The following RELN variants were observed in gnomAD, a reference collection of about 807,000 sequenced individuals.
The protein encoded by RELN is reelin.
Under a neutral mutation model 427.6 loss-of-function variants are expected in RELN, and 108 were observed. The ratio of observed to expected loss-of-function variants is 0.25; its 90% CI spans 0.22 to 0.30. RELN has a LOEUF of 0.30. RELN is among the 10% of genes least tolerant of loss of function. The pLI, the probability that RELN is intolerant of heterozygous loss-of-function variation, is 1.00. For synonymous variants in RELN, 1,524 were observed against 1,513.4 expected (o/e 1.01, Z -0.16); for missense variants, 3,715 against 4,302.8 (o/e 0.86, Z 3.82).
chr7:103,967,014 C>A (rs918679418), intron 1 of RELN, among the ~76,000 whole-genome samples: 3 of 152,310 alleles, frequency 2.0e-5, no homozygotes, highest in African/African-American at 7.2e-5. Flanking sequence ...TTCCCTGTGA[C>A]CTTTTGCAGC....
intron 10 of RELN, among the ~76,000 whole-genome samples, chr7:103,693,563 T>C (rs894484356): frequency 1.4e-5 from 2 of 147,826 alleles, no homozygotes; most frequent in Non-Finnish European, 3.0e-5. Flanking sequence ...AAATAAAAAA[T>C]AAAGGATGAA....
At chr7:103,521,310 A>G (rs368381150) in intron 48 of RELN, among the ~76,000 whole-genome samples, 12 of 152,344 alleles carry the variant, frequency 7.9e-5, no homozygotes, top group African/African-American at 2.9e-4. Flanking sequence ...TAATTTGTCT[A>G]TCTAATCATG....
rs781392761 is a variant in RELN, at chr7:103,515,365, C to T, written c.7939G>A (p.Gly2647Ser). 1.5e-5 allele frequency: 25 copies of T among 1,613,982 alleles called. No individual in the cohort carries two copies. Among genetic ancestry groups the T allele is most frequent in the Middle Eastern group, 1.6e-4 (1 of 6,084 alleles). The change falls in exon 50 of 65, where the codon GGC becomes AGC. Residue 2647 changes from glycine (G) to serine (S), a missense_variant. This residue lies in a region of RELN where 1,310 missense variants were observed against 1,643.0 expected (regional missense o/e 0.80). Coordinates refer to ENST00000428762, the MANE Select transcript of RELN (RefSeq NM_005045.4). ...RFRWWQPRHDGLDQNDWAIDN... is the reference protein window; with the variant it reads ...RFRWWQPRHDSLDQNDWAIDN... ...ATGGCCCAGTCGTTCTGATCCAGGC[C>T]GTCATGTCTTGGCTGCCACCAGCGG...
At chr7:103,676,117 G>T (rs1204406816) in intron 11 of RELN, among the ~76,000 whole-genome samples, 1 of 152,056 alleles carries the variant, frequency 6.6e-6, no homozygotes, top group Non-Finnish European at 1.5e-5. Context: ...TAGAATGGGA[G>T]AAAATTTTTA....
chr7:103,905,002 A>T (rs80064325), intron 2 of RELN, among the ~76,000 whole-genome samples: 10,158 of 67,950 alleles, frequency 0.15, 379 homozygotes, highest in South Asian at 0.22. Context: ...TTTTTTTTTG[A>T]GATAATCTCG....
In RELN at chr7:103,989,051, T is replaced by G. The variant is rs1584425378; in HGVS notation, c.226+80A>C. ...CATGGTTCTTGTTTCCAAGGCCCCT[T>G]GGAAGAAGGAAAGGGATGAGAAAGG... On this transcript the variant is annotated intron_variant, in intron 1 of 64. Coordinates refer to ENST00000428762, the MANE Select transcript of RELN (RefSeq NM_005045.4). The surrounding 1 kb of genome is among the most constrained non-coding windows in gnomAD (Gnocchi z 4.9). The G allele has an allele frequency of 3.1e-6, 4 of 1,293,776 alleles. No homozygotes were observed. The highest frequency in any genetic ancestry group is 3.4e-6 in the Non-Finnish European group (3 of 891,550). The allele number at this position is 1,293,776 out of a possible 1,614,324, so 80.1% of individuals were successfully genotyped here.
chr7:103,530,988 T>C (rs961752433), intron 46 of RELN, among the ~76,000 whole-genome samples: 3 of 152,236 alleles, frequency 2.0e-5, no homozygotes, highest in African/African-American at 7.2e-5. Context: ...GCCATTATCA[T>C]GGGCTCACTC....
intron 2 of RELN, among the ~76,000 whole-genome samples, chr7:103,890,260 G>A (rs1033241378): frequency 2.0e-5 from 3 of 150,472 alleles, no homozygotes; most frequent in African/African-American, 7.4e-5. Flanking sequence ...TCTTCTCATT[G>A]CAGCTTTGGC....
At chr7:103,661,669 G>C in intron 11 of RELN, 142 bp from the exon 12 acceptor site, 1 of 803,492 alleles carries the variant, frequency 1.2e-6, no homozygotes. Flanking sequence ...CTTTATTTAG[G>C]CAATGATTAA....
chr7:103,890,749 C>G (rs1203803438), intron 2 of RELN, among the ~76,000 whole-genome samples: 2 of 152,152 alleles, frequency 1.3e-5, no homozygotes, highest in Non-Finnish European at 2.9e-5. Flanking sequence ...CCTGTCCTGT[C>G]TCTGAATCAC....
intron 3 of RELN, among the ~76,000 whole-genome samples, chr7:103,802,791 A>G (rs959677421): frequency 6.6e-6 from 1 of 152,136 alleles, no homozygotes; most frequent in Non-Finnish European, 1.5e-5. Flanking sequence ...GGATTTAAAA[A>G]GTGTTCCTTT....
At chr7:103,512,606 CCT>C (rs1179082847) in intron 50 of RELN, among the ~76,000 whole-genome samples, 1 of 152,144 alleles carries the variant, frequency 6.6e-6, no homozygotes, top group African/African-American at 2.4e-5. Context: ...GTGTGTTGAT[CCT>C]CTCTCTCTTT....
At chr7:103,927,234 C>CAGA (rs1795765170) in intron 1 of RELN, among the ~76,000 whole-genome samples, 1 of 152,070 alleles carries the variant, frequency 6.6e-6, no homozygotes, top group African/African-American at 2.4e-5. Context: ...TATAAAGTGC[C>CAGA]ACTCGATACT....
intron 4 of RELN, among the ~76,000 whole-genome samples, chr7:103,766,981 T>C (rs932919974): frequency 2.0e-5 from 3 of 152,374 alleles, no homozygotes; most frequent in Non-Finnish European, 4.4e-5. Context: ...GGGGGCACTA[T>C]AGGGCATGAC....
intron 2 of RELN, among the ~76,000 whole-genome samples, chr7:103,865,993 T>C (rs935927143): frequency 2.6e-5 from 4 of 152,146 alleles, no homozygotes; most frequent in African/African-American, 9.6e-5. Flanking sequence ...CCTTGATCAA[T>C]GTACCTAACC....
At chr7:103,743,574 C>T (rs1790730141) in intron 6 of RELN, among the ~76,000 whole-genome samples, 1 of 152,078 alleles carries the variant, frequency 6.6e-6, no homozygotes, top group Admixed American at 6.5e-5. Flanking sequence ...GAAGATCTAC[C>T]AAGCAAATGG....
At chr7:103,504,840 G>A (rs1460101335) in intron 51 of RELN, among the ~76,000 whole-genome samples, 1 of 152,146 alleles carries the variant, frequency 6.6e-6, no homozygotes, top group Non-Finnish European at 1.5e-5. Flanking sequence ...TGAAATTCTC[G>A]CTGCCAACAC....
chr7:103,659,939 T>C (rs1226890266), intron 12 of RELN, among the ~76,000 whole-genome samples: 1 of 152,120 alleles, frequency 6.6e-6, no homozygotes, highest in Non-Finnish European at 1.5e-5. Flanking sequence ...AAGAGGCTTT[T>C]ACTTGGGATA....
chr7:103,734,982 G>A (rs76601974), intron 6 of RELN, among the ~76,000 whole-genome samples: 3,012 of 152,100 alleles, frequency 0.02, 99 homozygotes, highest in African/African-American at 0.07. Context: ...TGAAGTACAC[G>A]ACAATCATAT....
Sources: gnomAD v4.1 joint callset for allele counts (sites outside exome capture counted in the v4.1 genomes callset) on GRCh38, gnomAD v4.1.1 for gene constraint, gnomAD v4.1.1 regional missense constraint, Gnocchi (gnomAD v3.1) non-coding constraint, MANE v1.5 for transcripts, NCBI Gene and HGNC (gene_info 2026-07-23, HGNC 2026-07-21) for gene names.